SEMA3A: variants seen among roughly 807,000 people sequenced by gnomAD.
SEMA3A encodes semaphorin 3A, also known as semaphorin-3A.
SEMA3A carries 29 observed loss-of-function variants against 97.9 expected under a neutral mutation model. That is an observed-to-expected ratio of 0.30 (90% CI 0.22 to 0.40). The LOEUF (loss-of-function observed/expected upper bound fraction) is 0.40, where lower values mean the gene tolerates loss of function less well. SEMA3A is among the 10% of genes least tolerant of loss of function. The pLI is 1.00. For missense variants in SEMA3A, 763 were observed against 951.3 expected (o/e 0.80, Z 2.60); for synonymous variants, 321 against 323.7 (o/e 0.99, Z 0.09).
intron 6 of SEMA3A, among the ~76,000 whole-genome samples, chr7:84,023,729 TGCCGGGCGCTATG>T (rs1165053640): frequency 6.6e-6 from 1 of 152,050 alleles, no homozygotes; most frequent in Non-Finnish European, 1.5e-5. Flanking sequence ...ATGTAGATAG[TGCCGGGCGCTATG>T]GCTCACGCCT....
At chr7:84,239,749 T>G (rs1466747916) in intron 3 of SEMA3A, among the ~76,000 whole-genome samples, 1 of 152,134 alleles carries the variant, frequency 6.6e-6, no homozygotes, top group Non-Finnish European at 1.5e-5. Flanking sequence ...CATACTAATT[T>G]TTACCATCTT....
At chr7:84,365,817 A>C (rs1802835258) in intron 2 of SEMA3A, among the ~76,000 whole-genome samples, 1 of 151,460 alleles carries the variant, frequency 6.6e-6, no homozygotes, top group Non-Finnish European at 1.5e-5. Context: ...GAATATCACA[A>C]GATAATTATT....
chr7:84,224,012 A>T (rs1041629148), intron 3 of SEMA3A, among the ~76,000 whole-genome samples: 1 of 151,984 alleles, frequency 6.6e-6, no homozygotes, highest in Admixed American at 6.6e-5. Flanking sequence ...ATAGAAATGT[A>T]TATTTAAAAA....
At chr7:84,231,292 C>T (rs968117122) in intron 3 of SEMA3A, among the ~76,000 whole-genome samples, 2 of 151,864 alleles carry the variant, frequency 1.3e-5, no homozygotes, top group African/African-American at 4.8e-5. Context: ...TCATAGTAAG[C>T]AGTCAATAAA....
At chr7:84,446,869 C>T (rs1805426519) in intron 1 of SEMA3A, among the ~76,000 whole-genome samples, 1 of 152,062 alleles carries the variant, frequency 6.6e-6, no homozygotes, top group Admixed American at 6.5e-5. Context: ...TGGCGGAGGT[C>T]AGGAACAGGT....
rs1788293924 is a variant in SEMA3A, at chr7:83,956,843, G to C, written c.*4528C>G. On this transcript the variant is annotated 3_prime_UTR_variant, in exon 17 of 17. Transcript: ENST00000265362. ...TTTGTTTCTTCATCTAGGCATATCT[G>C]ACTGATTCACAGCTGGAAAGTCACT... 6.6e-6 allele frequency: 1 copy of C among 151,772 alleles called. No individual in the cohort carries two copies. The highest frequency in any genetic ancestry group is 2.4e-5 in the African/African-American group (1 of 41,312). 9.4% of individuals were successfully genotyped at this position (151,772 alleles called of 1,614,324 possible).
At chr7:84,415,366 A>C (rs981133444) in intron 1 of SEMA3A, among the ~76,000 whole-genome samples, 9 of 152,150 alleles carry the variant, frequency 5.9e-5, no homozygotes, top group South Asian at 2.1e-4. Flanking sequence ...ACTTATTAAC[A>C]AGTATCAGAA....
chr7:84,384,560 T>G (rs1349452199), intron 1 of SEMA3A, among the ~76,000 whole-genome samples: 3 of 152,150 alleles, frequency 2.0e-5, no homozygotes, highest in African/African-American at 4.8e-5. Context: ...TTCCTACAAG[T>G]GCACTGTACA....
chr7:84,404,377 A>G (rs1256794059), intron 1 of SEMA3A, among the ~76,000 whole-genome samples: 1 of 152,238 alleles, frequency 6.6e-6, no homozygotes, highest in Non-Finnish European at 1.5e-5. Context: ...AAAGCCTCCA[A>G]GAAATATGGG....
intron 4 of SEMA3A, among the ~76,000 whole-genome samples, chr7:84,071,532 A>T (rs939486405): frequency 2.0e-4 from 30 of 152,182 alleles, no homozygotes; most frequent in African/African-American, 6.3e-4. Flanking sequence ...GTCATTCTTC[A>T]TGTATTTGGA....
intron 12 of SEMA3A, among the ~76,000 whole-genome samples, chr7:84,001,407 C>T (rs950682428): frequency 5.9e-5 from 9 of 151,480 alleles, no homozygotes; most frequent in African/African-American, 2.2e-4. Context: ...AATATATGTA[C>T]ATTTCTTAAG....
intron 15 of SEMA3A, 115 bp from the exon 16 acceptor site, chr7:83,963,462 A>C: frequency 9.0e-7 from 1 of 1,113,846 alleles, no homozygotes. Context: ...AAGTTGTTTC[A>C]CATTGATTGA....
chr7:84,138,564 T>A (rs1796211354), intron 1 of SEMA3A, among the ~76,000 whole-genome samples: 1 of 152,134 alleles, frequency 6.6e-6, no homozygotes, highest in Non-Finnish European at 1.5e-5. Flanking sequence ...GGCTTATGTA[T>A]GAAATCATCA....
chr7:84,356,586 C>T lies in SEMA3A; in HGVS notation c.-169+15238G>A, dbSNP rs117078906. Among the ~76,000 whole-genome samples the T allele has an allele frequency of 1.8e-3, 275 of 151,484 alleles. 4 individuals carry two copies. In the East Asian group the frequency reaches 0.036, roughly 20 times the overall value. On this transcript the variant is annotated intron_variant, in intron 2 of 3. Transcript: ENST00000424555. ...GAAATTGAATTCCATAAAGTAAAAC[C>T]GAATCATTATGAAATCCAAAGCTTT...
intron 6 of SEMA3A, among the ~76,000 whole-genome samples, chr7:84,041,516 T>C (rs59227426): frequency 0.05 from 7,562 of 152,208 alleles, 629 homozygotes; most frequent in African/African-American, 0.17. Context: ...TTCTAAAGTT[T>C]GCATATTTGA....
At chr7:84,420,463 A>G (rs531466282) in intron 1 of SEMA3A, among the ~76,000 whole-genome samples, 1 of 152,194 alleles carries the variant, frequency 6.6e-6, no homozygotes, top group East Asian at 1.9e-4. Context: ...TCAGAAGAAA[A>G]TAACAGCAGA....
At chr7:84,431,207 A>G (rs1292488213) in intron 1 of SEMA3A, among the ~76,000 whole-genome samples, 2 of 152,052 alleles carry the variant, frequency 1.3e-5, no homozygotes, top group Non-Finnish European at 2.9e-5. Flanking sequence ...GGCAGCCCTA[A>G]TGAAAACATT....
intron 1 of SEMA3A, among the ~76,000 whole-genome samples, chr7:84,449,596 TC>T (rs1409238042): frequency 6.6e-6 from 1 of 152,002 alleles, no homozygotes; most frequent in African/African-American, 2.4e-5. Context: ...CACAGAAAAC[TC>T]CCAGCCTAGA....
intron 2 of SEMA3A, among the ~76,000 whole-genome samples, chr7:84,334,633 T>C (rs867808753): frequency 1.5e-4 from 22 of 150,668 alleles, no homozygotes; most frequent in Admixed American, 2.7e-4. Flanking sequence ...TCCCTATTTC[T>C]CCCCCAACCT....
Sources: allele counts gnomAD v4.1 joint callset (sites outside exome capture counted in the v4.1 genomes callset), GRCh38; gene constraint gnomAD v4.1.1; transcripts MANE v1.5; gene names NCBI Gene and HGNC (gene_info 2026-07-23, HGNC 2026-07-21).